NUP88: variants seen among roughly 807,000 people sequenced by gnomAD.
NUP88 encodes nucleoporin 88.
Under a neutral mutation model 93.9 loss-of-function variants are expected in NUP88, and 57 were observed. The observed-to-expected ratio is 0.61, with a 90% CI of 0.49 to 0.76. NUP88 has a LOEUF of 0.76. NUP88 is among the 30% of genes least tolerant of loss of function. The pLI is 0.00. For missense variants in NUP88, 911 were observed against 901.0 expected (o/e 1.01, Z -0.14); for synonymous variants, 346 against 336.8 (o/e 1.03, Z -0.30).
rs775248887 is a variant in NUP88 at position 5,414,010 on chromosome 17, T to G, written c.592A>C (p.Arg198=). The G allele has an allele frequency of 2.5e-6, 4 of 1,613,450 alleles. No homozygotes were observed. Among genetic ancestry groups the G allele is most frequent in the Non-Finnish European group, 3.4e-6 (4 of 1,179,556 alleles). Residue 198 remains arginine, a splice_region_variant and synonymous_variant, in exon 3 of 17, where the codon AGA becomes CGA. Transcript: ENST00000573584. ...TCAAGAGAGAGAAATAAAATTTACC[T>G]GATTACGTTGTCTGATGTTAACAGC... ...VVLLTSDNVI[R]IYSLREPQTP...
chr17:5,396,258 T>C (rs1912769463), intron 8 of NUP88, among the ~76,000 whole-genome samples: 1 of 152,164 alleles, frequency 6.6e-6, no homozygotes. Flanking sequence ...ATATTTTCAT[T>C]TCCCCAAAAG....
rs1233678439 is a variant in NUP88 at position 5,387,851 on chromosome 17, C to CT, written c.1696dup (p.Ser566LysfsTer31). 2 of 1,614,076 alleles carry CT rather than the reference C, an allele frequency of 1.2e-6. No homozygotes were observed. Among genetic ancestry groups the CT allele is most frequent in the African/African-American group, 1.3e-5 (1 of 75,034 alleles). ...CTCTCTGAACACCTGGGTGGCTCTG[C>CT]TGAGGAGCTGAAGGCATTCTTCAGG... On this transcript the variant is annotated frameshift_variant, in exon 12 of 17. Coordinates refer to ENST00000573584, the MANE Select transcript of NUP88 (RefSeq NM_002532.6). LOFTEE classifies it high-confidence loss of function.
At chr17:5,396,507 ACAC>A (rs1214405350) in intron 8 of NUP88, among the ~76,000 whole-genome samples, 10 of 152,346 alleles carry the variant, frequency 6.6e-5, no homozygotes, top group African/African-American at 2.4e-4. Context: ...TTGTATAGAC[ACAC>A]CACATTTTAT....
Position 5,419,641 on chromosome 17 carries a change from C to A in NUP88, c.10G>T (p.Ala4Ser). ...TCGCCGTCGCCCACCGGTCCCTCGG[C>A]GGCCGCCATCTTGGCCCAACTGCTC... MAA[A>S]EGPVGDGELW... The change falls in exon 1 of 17, where the codon GCC (alanine) becomes TCC (serine). Residue 4 changes from alanine (A) to serine (S), a missense_variant. Physicochemically the swap from Ala to Ser is moderately conservative, Grantham distance 99. Coordinates refer to ENST00000573584, the MANE Select transcript of NUP88 (RefSeq NM_002532.6). 2 of 1,588,484 alleles carry A rather than the reference C, an allele frequency of 1.3e-6. No individual in the cohort carries two copies. Among genetic ancestry groups the A allele is most frequent in the South Asian group, 1.1e-5 (1 of 90,276 alleles).
intron 8 of NUP88, 146 bp downstream of exon 8, chr17:5,399,406 G>A (rs1258825626): frequency 3.5e-6 from 2 of 564,088 alleles, no homozygotes; most frequent in Non-Finnish European, 6.3e-6. Context: ...CTAAAGGCTT[G>A]TGAAATGTGG....
intron 9 of NUP88, among the ~76,000 whole-genome samples, chr17:5,394,139 G>T (rs960922976): frequency 1.2e-4 from 18 of 152,304 alleles, no homozygotes; most frequent in Non-Finnish European, 1.3e-4. Context: ...GTTCAGAGTG[G>T]TCTGGGCTAG....
chr17:5,391,500 T>C, intron 10 of NUP88, 61 bp downstream of exon 10: 1 of 1,400,624 alleles, frequency 7.1e-7, no homozygotes, highest in Non-Finnish European at 1.0e-6. Context: ...GAGTGCATTT[T>C]CCCAACTTAG....
At chr17:5,414,458 G>A (rs551925287) in intron 2 of NUP88, among the ~76,000 whole-genome samples, 34 of 152,128 alleles carry the variant, frequency 2.2e-4, no homozygotes, top group Non-Finnish European at 4.3e-4. Flanking sequence ...GCCTCGCAAA[G>A]TGCTGGGATT....
intron 1 of NUP88, 41 bp downstream of exon 1, chr17:5,419,313 G>C (rs1914437917): frequency 2.0e-6 from 3 of 1,511,748 alleles, no homozygotes; most frequent in East Asian, 4.6e-5. Context: ...GACTGGTTCC[G>C]ATCCCGGTGA....
chr17:5,399,454 T>C, intron 8 of NUP88, 98 bp downstream of exon 8: 1 of 629,244 alleles, frequency 1.6e-6, no homozygotes, highest in Non-Finnish European at 2.8e-6. Context: ...TCACTGATTT[T>C]CTCTATCATT....
At chr17:5,388,244 G>A (rs375527048) in intron 11 of NUP88, 2 of 172,468 alleles carry the variant, frequency 1.2e-5, no homozygotes, top group Non-Finnish European at 2.5e-5. Context: ...TAGGTGATCC[G>A]CCTGCCTGGG....
At chr17:5,409,300 G>T (rs1913685871) in intron 4 of NUP88, among the ~76,000 whole-genome samples, 1 of 151,332 alleles carries the variant, frequency 6.6e-6, no homozygotes, top group South Asian at 2.1e-4. Context: ...CTTGAACCTG[G>T]GAGGCGGAGG....
Position 5,408,836 on chromosome 17 carries a change from T to C in NUP88, c.754A>G (p.Thr252Ala). 1 of 1,613,926 alleles carries C rather than the reference T, an allele frequency of 6.2e-7. No individual in the cohort carries two copies. The highest frequency in any genetic ancestry group is 8.5e-7 in the Non-Finnish European group (1 of 1,179,892). ...TCTTTGCCGTTTTGTCCAAATAGAG[T>C]CTTTGGGACTGCTGCCAATGGCCCA... Reference protein sequence around the residue: ...DFGPLAAVPKTLFGQNGKDEV... With the variant: ...DFGPLAAVPKALFGQNGKDEV... Residue 252 changes from threonine (T) to alanine (A), a missense_variant, in exon 5 of 17, where the codon ACT becomes GCT. Coordinates refer to ENST00000573584, the MANE Select transcript of NUP88 (RefSeq NM_002532.6).
chr17:5,390,580 T>C (rs945120098), intron 10 of NUP88, among the ~76,000 whole-genome samples: 6 of 152,218 alleles, frequency 3.9e-5, no homozygotes, highest in Non-Finnish European at 7.3e-5. Flanking sequence ...TTGTTTTTGG[T>C]ACTCATATTC....
intron 3 of NUP88, 143 bp downstream of exon 3, chr17:5,413,866 A>AT: frequency 1.3e-6 from 1 of 793,794 alleles, no homozygotes; most frequent in Non-Finnish European, 2.0e-6. Flanking sequence ...AATTCTTATG[A>AT]TTGAGAATGG....
chr17:5,402,706 T>G (rs1347970692), intron 7 of NUP88, among the ~76,000 whole-genome samples: 3 of 151,988 alleles, frequency 2.0e-5, no homozygotes, highest in Non-Finnish European at 4.4e-5. Context: ...TTTCATTCTT[T>G]TTTAAAGCCA....
At chr17:5,412,556 A>C (rs1350853304) in intron 3 of NUP88, among the ~76,000 whole-genome samples, 1 of 152,126 alleles carries the variant, frequency 6.6e-6, no homozygotes, top group Non-Finnish European at 1.5e-5. Context: ...ATCTTGAGAG[A>C]AGATTCAGGG....
intron 9 of NUP88, among the ~76,000 whole-genome samples, chr17:5,392,051 T>C (rs3026129): frequency 0.44 from 66,380 of 152,016 alleles, 15,265 homozygotes; most frequent in East Asian, 0.84. Context: ...TGAGGCCCAA[T>C]GTCAATGTCA....
Position 5,385,696 on chromosome 17 carries a change from A to G in NUP88, c.*510T>C, listed in dbSNP as rs1409066652. On this transcript the variant is annotated 3_prime_UTR_variant, in exon 17 of 17. Coordinates refer to ENST00000573584, the MANE Select transcript of NUP88 (RefSeq NM_002532.6). ...AAGTGAGCCAGCAGTGGCCTTTGCA[A>G]TTGTGGATCTTGAGCTCTGCTCTCA... 8.7e-6 allele frequency: 2 copies of G among 231,064 alleles called. No homozygotes were observed. Among genetic ancestry groups the G allele is most frequent in the Admixed American group, 5.6e-5 (1 of 17,714 alleles). The allele number at this position is 231,064 out of a possible 1,614,324, so 14.3% of individuals were successfully genotyped here. A position where few individuals can be genotyped will look rare whatever the true frequency, so the allele number is the denominator to read the frequency against.
Sources: gnomAD v4.1 joint callset for allele counts (sites outside exome capture counted in the v4.1 genomes callset) on GRCh38, gnomAD v4.1.1 for gene constraint, MANE v1.5 for transcripts, NCBI Gene and HGNC (gene_info 2026-07-23, HGNC 2026-07-21) for gene names.